The following ABLIM2 variants were observed in gnomAD, a reference collection of about 807,000 sequenced individuals.
The protein encoded by ABLIM2 is actin-binding LIM protein 2.
In ABLIM2, 53 loss-of-function variants were observed where a neutral mutation model predicts 97.7. That is an observed-to-expected ratio of 0.54 (90% CI 0.44 to 0.68). The LOEUF (loss-of-function observed/expected upper bound fraction) is 0.68, where lower values mean the gene tolerates loss of function less well. Among genes scored for constraint, ABLIM2 ranks in the 30% least tolerant of loss-of-function variants. The pLI is 0.00. For missense variants in ABLIM2, 835 were observed against 867.2 expected (o/e 0.96, Z 0.47); for synonymous variants, 361 against 345.8 (o/e 1.04, Z -0.49).
chr4:8,157,444 G>A (rs980547915), intron 1 of ABLIM2, among the ~76,000 whole-genome samples: 2 of 152,178 alleles, frequency 1.3e-5, no homozygotes, highest in African/African-American at 4.8e-5. Context: ...TCTTCCAAAG[G>A]GTTCTGCCTC....
At chr4:8,042,579 G>A (rs1285931745) in intron 9 of ABLIM2, among the ~76,000 whole-genome samples, 6 of 152,180 alleles carry the variant, frequency 3.9e-5, no homozygotes, top group Admixed American at 2.6e-4. Context: ...AGCGGCTCAC[G>A]CCTGTAACCC....
At chr4:8,041,601 T>TAAA (rs1193277449) in intron 9 of ABLIM2, among the ~76,000 whole-genome samples, 20 of 137,584 alleles carry the variant, frequency 1.5e-4, no homozygotes, top group Non-Finnish European at 2.9e-4. Flanking sequence ...CCAGTTTGTT[T>TAAA]AAAAAAAAAA....
chr4:8,024,586 C>G (rs924902723), intron 12 of ABLIM2, among the ~76,000 whole-genome samples: 1 of 152,152 alleles, frequency 6.6e-6, no homozygotes, highest in Non-Finnish European at 1.5e-5. Flanking sequence ...GGGGCTGCCA[C>G]CAAGAGGTCC....
rs113968758 is a variant in ABLIM2, at chr4:7,995,602, G to A, written c.1619-2675C>T. Reference sequence around the variant, plus strand: ...GGGGACACAGAGAAGCCTGTGGGAGGAGCCTCAGCTGGGGACTTGTTTGCA... The same window carrying A: ...GGGGACACAGAGAAGCCTGTGGGAGAAGCCTCAGCTGGGGACTTGTTTGCA... On this transcript the variant is annotated intron_variant, in intron 16 of 20. Coordinates refer to ENST00000447017, the MANE Select transcript of ABLIM2 (RefSeq NM_001130083.2). Among the ~76,000 whole-genome samples the A allele has an allele frequency of 7.9e-3, 1,198 of 152,330 alleles. 18 individuals carry two copies. Among genetic ancestry groups the A allele is most frequent in the African/African-American group, 0.027 (1,125 of 41,568 alleles).
At chr4:8,126,927 T>C (rs11728790) in intron 1 of ABLIM2, among the ~76,000 whole-genome samples, 31,387 of 151,916 alleles carry the variant, frequency 0.21, 3,362 homozygotes, top group African/African-American at 0.27. Flanking sequence ...ATTAGCCAGG[T>C]CTGGTGGCGT....
At chr4:8,135,428 C>T (rs1036405587) in intron 1 of ABLIM2, among the ~76,000 whole-genome samples, 2 of 152,186 alleles carry the variant, frequency 1.3e-5, no homozygotes, top group Non-Finnish European at 2.9e-5. Context: ...GGTGTTAGGA[C>T]GTGAGGCCTT....
chr4:8,139,293 G>T (rs1455303151), intron 1 of ABLIM2, among the ~76,000 whole-genome samples: 2 of 150,718 alleles, frequency 1.3e-5, no homozygotes. Flanking sequence ...AAAAAGAAAA[G>T]AAACTATTAT....
chr4:8,082,346 C>T lies in ABLIM2; in HGVS notation c.455-1544G>A, dbSNP rs185184538. Among the ~76,000 whole-genome samples the T allele has an allele frequency of 2.4e-4, 36 of 152,310 alleles. No individual in the cohort carries two copies. The highest frequency in any genetic ancestry group is 9.8e-4 in the Admixed American group (15 of 15,304). The stretch of plus-strand genomic sequence containing the variant: ...CCTCATCGTGGGGTGGGGTGATCAC[C>T]TCCTCACTTGGTGCCTGCCCGGATC... On this transcript the variant is annotated intron_variant, in intron 4 of 20. Coordinates refer to ENST00000447017, the MANE Select transcript of ABLIM2 (RefSeq NM_001130083.2). The surrounding 1 kb of genome is among the most constrained non-coding windows in gnomAD (Gnocchi z 5.6).
At chr4:8,038,120 G>A (rs139964918) in intron 9 of ABLIM2, among the ~76,000 whole-genome samples, 9 of 152,288 alleles carry the variant, frequency 5.9e-5, no homozygotes, top group African/African-American at 9.6e-5. Context: ...TGTCTACCCC[G>A]AGACATGCAC....
Position 8,032,566 on chromosome 4 carries a change from G to T in ABLIM2, c.1048-2790C>A, listed in dbSNP as rs769912339. 6.3e-7 allele frequency: 1 copy of T among 1,580,716 alleles called. No individual in the cohort carries two copies. Among genetic ancestry groups the T allele is most frequent in the Admixed American group, 1.7e-5 (1 of 59,346 alleles). On this transcript the variant is annotated intron_variant, in intron 10 of 20. Coordinates refer to ENST00000447017, the MANE Select transcript of ABLIM2 (RefSeq NM_001130083.2). This position sits in a 1 kb window ranked among gnomAD's most constrained non-coding sequence, Gnocchi z 4.3. ...AAGAGCCACCGAGGAGGCCCTTCCC[G>T]GGAGTGCGGCTGGGTGGTTATGTTT...
intron 14 of ABLIM2, chr4:8,010,565 C>T: frequency 1.0e-6 from 1 of 985,862 alleles, no homozygotes; most frequent in Non-Finnish European, 1.2e-6. Flanking sequence ...CAAGATAAGG[C>T]CAAAATTGAA....
In ABLIM2 at chr4:8,023,895, G is replaced by A. The variant is rs1775628631; in HGVS notation, c.1268-3592C>T. Among the ~76,000 whole-genome samples the A allele has an allele frequency of 6.6e-6, 1 of 152,198 alleles. No homozygotes were observed. The highest frequency in any genetic ancestry group is 2.1e-4 in the South Asian group (1 of 4,838). On this transcript the variant is annotated intron_variant, in intron 12 of 20. Transcript: ENST00000447017. This position sits in a 1 kb window ranked among gnomAD's most constrained non-coding sequence, Gnocchi z 5.7. Reference sequence around the variant, plus strand: ...CCAGTGTGTGCCTGGTGCTGGCTCAGCTGGCTCCTGTGGAGCCTCCTCCAG... The same window carrying A: ...CCAGTGTGTGCCTGGTGCTGGCTCAACTGGCTCCTGTGGAGCCTCCTCCAG...
intron 1 of ABLIM2, among the ~76,000 whole-genome samples, chr4:8,108,459 C>T (rs548128511): frequency 2.6e-5 from 4 of 152,364 alleles, no homozygotes; most frequent in South Asian, 2.1e-4. Context: ...AGTCCGGCCA[C>T]GGTACCCAGC....
intron 12 of ABLIM2, among the ~76,000 whole-genome samples, chr4:8,027,140 T>A (rs531911870): frequency 6.6e-6 from 1 of 152,276 alleles, no homozygotes; most frequent in Admixed American, 6.5e-5. Flanking sequence ...ACAGATACAG[T>A]CACGTCAGGA....
Position 8,122,569 on chromosome 4 carries a change from C to A in ABLIM2, c.11-15932G>T, listed in dbSNP as rs997593039. 1.3e-5 allele frequency among the ~76,000 whole-genome samples: 2 copies of A among 152,176 alleles called. No individual in the cohort carries two copies. The highest frequency in any genetic ancestry group is 4.8e-5 in the African/African-American group (2 of 41,442). ...CATCATGAGGACCCCACCCTCACGA[C>A]CTCATCTAAACCCCATCACCTCCCC... is the stretch of plus-strand genomic sequence containing the variant. On this transcript the variant is annotated intron_variant, in intron 1 of 20. Coordinates refer to ENST00000447017, the MANE Select transcript of ABLIM2 (RefSeq NM_001130083.2). This position sits in a 1 kb window ranked among gnomAD's most constrained non-coding sequence, Gnocchi z 4.1.
intron 12 of ABLIM2, among the ~76,000 whole-genome samples, chr4:8,027,220 G>A (rs930301772): frequency 2.6e-5 from 4 of 152,176 alleles, no homozygotes; most frequent in South Asian, 2.1e-4. Flanking sequence ...GAGCGTGGCC[G>A]TTTCCCTGCG....
intron 6 of ABLIM2, among the ~76,000 whole-genome samples, chr4:8,064,307 G>C (rs1025549409): frequency 6.6e-5 from 10 of 152,206 alleles, no homozygotes; most frequent in Admixed American, 5.9e-4. Flanking sequence ...AGTATTGAGA[G>C]GGGGGCCCTT....
chr4:8,027,878 A>G, intron 11 of ABLIM2, 21 bp from the exon 12 acceptor site: 1 of 1,541,930 alleles, frequency 6.5e-7, no homozygotes, highest in Non-Finnish European at 8.7e-7. Flanking sequence ...ACAGAGAGCA[A>G]GTCAGAGTCA....
chr4:7,968,438 T>C (rs151195679), intron 20 of ABLIM2, among the ~76,000 whole-genome samples: 29 of 152,342 alleles, frequency 1.9e-4, no homozygotes, highest in African/African-American at 6.7e-4. Flanking sequence ...CAGGTGTCCA[T>C]CAATGGACGA....
Sources: allele counts gnomAD v4.1 joint callset (sites outside exome capture counted in the v4.1 genomes callset), GRCh38; gene constraint gnomAD v4.1.1; non-coding constraint Gnocchi (gnomAD v3.1); transcripts MANE v1.5; gene names NCBI Gene and HGNC (gene_info 2026-07-23, HGNC 2026-07-21).